The following FTO variants were observed in gnomAD, a reference collection of about 807,000 sequenced individuals.
FTO encodes the protein alpha-ketoglutarate-dependent dioxygenase FTO.
Under a neutral mutation model 63.9 loss-of-function variants are expected in FTO, and 47 were observed. The observed-to-expected ratio is 0.74, with a 90% CI of 0.58 to 0.94. FTO has a LOEUF of 0.94. Among genes scored for constraint, FTO ranks in the 40% least tolerant of loss-of-function variants. The probability of loss-of-function intolerance (pLI) is 0.00; values close to 1 mark genes in which losing one functional copy is unlikely to be tolerated. For missense variants in FTO, 562 were observed against 618.1 expected (o/e 0.91, Z 0.96); for synonymous variants, 207 against 224.4 (o/e 0.92, Z 0.69).
At chr16:53,960,940 C>A (rs2143632182) in intron 8 of FTO, among the ~76,000 whole-genome samples, 1 of 152,274 alleles carries the variant, frequency 6.6e-6, no homozygotes, top group Non-Finnish European at 1.5e-5. Context: ...TGGTGCTCGT[C>A]ATTTTTGTCT....
At chr16:53,800,586 A>G (rs2078193689) in intron 1 of FTO, among the ~76,000 whole-genome samples, 1 of 152,142 alleles carries the variant, frequency 6.6e-6, no homozygotes, top group South Asian at 2.1e-4. Flanking sequence ...TTGAAATCTT[A>G]GACTATTAAT....
At chr16:53,763,381 A>G (rs998993861) in intron 1 of FTO, among the ~76,000 whole-genome samples, 3 of 152,196 alleles carry the variant, frequency 2.0e-5, no homozygotes, top group Admixed American at 1.3e-4. Context: ...CTCGTGGTTT[A>G]TTTTAAAAAC....
chr16:53,806,580 T>C (rs143409315), intron 1 of FTO, among the ~76,000 whole-genome samples: 45 of 152,324 alleles, frequency 3.0e-4, no homozygotes, highest in African/African-American at 1.0e-3. Context: ...TTATACTTCA[T>C]CATGTGGATG....
chr16:53,880,267 G>A (rs1288385775), intron 6 of FTO, among the ~76,000 whole-genome samples: 1 of 152,164 alleles, frequency 6.6e-6, no homozygotes. Flanking sequence ...GAAGTGCTGG[G>A]ATTACAGTCA....
At chr16:53,928,910 C>G (rs1297932908) in intron 7 of FTO, among the ~76,000 whole-genome samples, 1 of 151,862 alleles carries the variant, frequency 6.6e-6, no homozygotes, top group East Asian at 1.9e-4. Flanking sequence ...GTGGCATGAT[C>G]CCGGCTCACT....
intron 8 of FTO, among the ~76,000 whole-genome samples, chr16:53,938,486 C>T (rs1567455708): frequency 6.6e-6 from 1 of 152,172 alleles, no homozygotes; most frequent in Non-Finnish European, 1.5e-5. Flanking sequence ...TGTTCTTTTG[C>T]AGAGATGAGT....
intron 6 of FTO, among the ~76,000 whole-genome samples, chr16:53,881,125 A>ATAAATAAATAAATAAATAAAT (rs557730898): frequency 6.7e-6 from 1 of 148,682 alleles, no homozygotes; most frequent in African/African-American, 2.4e-5. Flanking sequence ...CCGTCTCAAA[A>ATAAATAAATAAATAAATAAAT]TAAATAAATA....
At chr16:53,755,077 G>T (rs967476018) in intron 1 of FTO, among the ~76,000 whole-genome samples, 1 of 152,232 alleles carries the variant, frequency 6.6e-6, no homozygotes, top group African/African-American at 2.4e-5. Flanking sequence ...TGTGTTAGAA[G>T]AAGTAATTAT....
chr16:53,885,382 T>C (rs946888020), intron 6 of FTO, among the ~76,000 whole-genome samples: 1 of 151,326 alleles, frequency 6.6e-6, no homozygotes, highest in Admixed American at 6.6e-5. Flanking sequence ...AGTCAGGTCA[T>C]GGAGTTGAAT....
intron 7 of FTO, among the ~76,000 whole-genome samples, chr16:53,904,523 T>G (rs74019301): frequency 4.6e-5 from 7 of 152,316 alleles, no homozygotes; most frequent in African/African-American, 1.7e-4. Context: ...CTGATCAGTC[T>G]GGGTGATGGG....
chr16:53,800,832 T>A (rs1228779294), intron 1 of FTO, among the ~76,000 whole-genome samples: 1 of 151,368 alleles, frequency 6.6e-6, no homozygotes, highest in Non-Finnish European at 1.5e-5. Context: ...TTTTTCCAAC[T>A]TTTTACTTCT....
At chr16:53,962,085 A>T (rs1183126151) in intron 8 of FTO, among the ~76,000 whole-genome samples, 1 of 152,200 alleles carries the variant, frequency 6.6e-6, no homozygotes, top group Non-Finnish European at 1.5e-5. Context: ...TTCCAGAATT[A>T]GGGAGATTAT....
chr16:53,856,548 G>A (rs1405703458), intron 4 of FTO, among the ~76,000 whole-genome samples: 1 of 152,024 alleles, frequency 6.6e-6, no homozygotes, highest in Non-Finnish European at 1.5e-5. Context: ...TCAGGAGTTC[G>A]AGACCAGCCT....
chr16:53,822,961 G>A lies in FTO; in HGVS notation c.124-2903G>A, dbSNP rs140068801. On this transcript the variant is annotated intron_variant, in intron 2 of 8. Coordinates refer to ENST00000471389, the MANE Select transcript of FTO (RefSeq NM_001080432.3). ...CTGAGAAACTCTGGTGTTCTCTAGC[G>A]TCTTCCATCATTAGAGATTGTCCCT... 3.6e-3 allele frequency among the ~76,000 whole-genome samples: 548 copies of A among 152,206 alleles called. 4 individuals carry two copies. Among genetic ancestry groups the A allele is most frequent in the African/African-American group, 0.012 (507 of 41,514 alleles).
chr16:53,749,531 C>T (rs932409790), intron 1 of FTO, among the ~76,000 whole-genome samples: 1 of 151,802 alleles, frequency 6.6e-6, no homozygotes, highest in African/African-American at 2.4e-5. Flanking sequence ...CTCCGCCTCC[C>T]GGGTTCATGC....
At chr16:53,717,668 G>A (rs1466703584) in intron 1 of FTO, among the ~76,000 whole-genome samples, 2 of 151,250 alleles carry the variant, frequency 1.3e-5, no homozygotes, top group Non-Finnish European at 2.9e-5. Flanking sequence ...GCATTCTTCT[G>A]GTTATTAATA....
intron 7 of FTO, among the ~76,000 whole-genome samples, chr16:53,932,860 C>T (rs545281489): frequency 2.6e-5 from 4 of 152,272 alleles, no homozygotes; most frequent in East Asian, 3.9e-4. Context: ...CATTTTCCCC[C>T]GTTTCTTTAT....
At chr16:53,859,650 A>G (rs1292179450) in intron 4 of FTO, among the ~76,000 whole-genome samples, 1 of 152,050 alleles carries the variant, frequency 6.6e-6, no homozygotes, top group Non-Finnish European at 1.5e-5. Flanking sequence ...CATTTCTGAA[A>G]AGGAGACATA....
At chr16:53,953,622 C>T (rs1399240994) in intron 8 of FTO, among the ~76,000 whole-genome samples, 1 of 152,128 alleles carries the variant, frequency 6.6e-6, no homozygotes, top group Non-Finnish European at 1.5e-5. Context: ...CAAATGTTAC[C>T]ATATGTTTCC....
Sources: gnomAD v4.1 joint callset for allele counts (sites outside exome capture counted in the v4.1 genomes callset) on GRCh38, gnomAD v4.1.1 for gene constraint, MANE v1.5 for transcripts, NCBI Gene and HGNC (gene_info 2026-07-23, HGNC 2026-07-21) for gene names.